Variants in MINDY3 observed in about 807,000 individuals in gnomAD.
MINDY3 encodes the protein ubiquitin carboxyl-terminal hydrolase MINDY-3.
In MINDY3, 38 loss-of-function variants were observed where a neutral mutation model predicts 69.2. The observed-to-expected ratio is 0.55, with a 90% CI of 0.42 to 0.72. MINDY3 has a LOEUF of 0.72. Among genes scored for constraint, MINDY3 ranks in the 30% least tolerant of loss-of-function variants. The probability of loss-of-function intolerance (pLI) is 0.00; values close to 1 mark genes in which losing one functional copy is unlikely to be tolerated. For synonymous variants in MINDY3, 192 were observed against 180.1 expected, an observed-to-expected ratio of 1.07 and a Z score of -0.53; for missense variants, 522 against 519.0, an observed-to-expected ratio of 1.01 and a Z score of -0.06.
intron 11 of MINDY3, among the ~76,000 whole-genome samples, chr10:15,793,600 G>A (rs2131869873): frequency 6.6e-6 from 1 of 152,184 alleles, no homozygotes; most frequent in Middle Eastern, 3.4e-3. Context: ...TATGACTTTA[G>A]CCTTTCAAGA....
intron 10 of MINDY3, among the ~76,000 whole-genome samples, chr10:15,799,720 A>G (rs545066855): frequency 1.3e-5 from 2 of 152,142 alleles, no homozygotes; most frequent in Non-Finnish European, 2.9e-5. Flanking sequence ...GAACTGTGAC[A>G]GAAAAGGAGG....
At chr10:15,785,866 C>T (rs1219769530) in intron 13 of MINDY3, among the ~76,000 whole-genome samples, 1 of 152,112 alleles carries the variant, frequency 6.6e-6, no homozygotes, top group African/African-American at 2.4e-5. Flanking sequence ...ATTGGAATGT[C>T]TATTGCAACA....
chr10:15,781,891 T>C (rs988759405), intron 14 of MINDY3, among the ~76,000 whole-genome samples: 2 of 152,196 alleles, frequency 1.3e-5, no homozygotes, highest in African/African-American at 4.8e-5. Context: ...AGAAACACGC[T>C]ACACTGCCAA....
At chr10:15,850,121 G>A (rs1247614326) in intron 1 of MINDY3, among the ~76,000 whole-genome samples, 1 of 152,142 alleles carries the variant, frequency 6.6e-6, no homozygotes, top group Non-Finnish European at 1.5e-5. Context: ...AAACTGTGAA[G>A]ATTTCATGGA....
intron 6 of MINDY3, 56 bp downstream of exon 6, chr10:15,837,148 A>G: frequency 2.1e-6 from 2 of 947,956 alleles, no homozygotes; most frequent in Non-Finnish European, 3.2e-6. Context: ...CACTGCAGGA[A>G]AAACAGCACT....
intron 12 of MINDY3, among the ~76,000 whole-genome samples, chr10:15,788,566 A>T (rs1837157957): frequency 6.6e-6 from 1 of 152,106 alleles, no homozygotes; most frequent in Non-Finnish European, 1.5e-5. Flanking sequence ...TGAAAAAAGG[A>T]GTAAAGGTCC....
At position 15,796,126 on chromosome 10, in the gene MINDY3, C is replaced by A. The variant is rs775916637; in HGVS notation, c.929G>T (p.Arg310Ile). 2 of 1,612,776 alleles carry A rather than the reference C, an allele frequency of 1.2e-6. No homozygotes were observed. Among genetic ancestry groups the A allele is most frequent in the South Asian group, 2.2e-5 (2 of 90,980 alleles). ...APEAPSEQARRVFQTYDPEDN... is the reference protein window; with the variant it reads ...APEAPSEQARIVFQTYDPEDN... ...TTCTGGGTCGTAGGTTTGAAAAACT[C>A]TTCTGGCTTGTTCTGAAGGAGCTTC... The change falls in exon 11 of 15, where the codon AGA (arginine) becomes ATA (isoleucine). Residue 310 changes from arginine (R) to isoleucine (I), a missense_variant. Physicochemically the swap from Arg to Ile is moderately conservative, Grantham distance 97 (BLOSUM62 -3). Coordinates refer to ENST00000277632, the MANE Select transcript of MINDY3 (RefSeq NM_024948.4).
chr10:15,859,865 G>T (rs915066322), intron 1 of MINDY3, among the ~76,000 whole-genome samples: 1 of 152,218 alleles, frequency 6.6e-6, no homozygotes, highest in Non-Finnish European at 1.5e-5. Context: ...GAAGGCCACA[G>T]CACCCCTTGA....
At chr10:15,781,422 A>G (rs1564446792) in intron 14 of MINDY3, among the ~76,000 whole-genome samples, 1 of 149,100 alleles carries the variant, frequency 6.7e-6, no homozygotes, top group Non-Finnish European at 1.5e-5. Context: ...TATATATACT[A>G]TAACTAGTAT....
chr10:15,857,056 A>G (rs1834740422), intron 1 of MINDY3, among the ~76,000 whole-genome samples: 1 of 152,194 alleles, frequency 6.6e-6, no homozygotes, highest in African/African-American at 2.4e-5. Context: ...TATTTCATGT[A>G]TAAGATGAGT....
chr10:15,841,651 A>G, intron 3 of MINDY3, 52 bp from the exon 4 acceptor site: 2 of 1,257,222 alleles, frequency 1.6e-6, no homozygotes, highest in East Asian at 4.9e-5. Context: ...AAAAAAAAAA[A>G]TTCTGTCATG....
chr10:15,823,788 T>C (rs1360351202), intron 8 of MINDY3, among the ~76,000 whole-genome samples: 1 of 152,038 alleles, frequency 6.6e-6, no homozygotes, highest in Admixed American at 6.6e-5. Flanking sequence ...CCCTCATGCT[T>C]CTCCCACCGC....
intron 1 of MINDY3, among the ~76,000 whole-genome samples, chr10:15,855,703 C>T (rs948665013): frequency 6.6e-5 from 10 of 152,110 alleles, no homozygotes; most frequent in Non-Finnish European, 1.5e-4. Flanking sequence ...ATACCTTCTA[C>T]AATTCTAGCC....
chr10:15,788,226 A>G (rs1324355464), intron 12 of MINDY3, among the ~76,000 whole-genome samples: 1 of 152,170 alleles, frequency 6.6e-6, no homozygotes, highest in Non-Finnish European at 1.5e-5. Flanking sequence ...AATTACTATC[A>G]TACCATTTGT....
intron 10 of MINDY3, among the ~76,000 whole-genome samples, chr10:15,803,063 C>A (rs2131916038): frequency 6.6e-6 from 1 of 152,242 alleles, no homozygotes; most frequent in South Asian, 2.1e-4. Flanking sequence ...TACTGGCTTG[C>A]TTATTTTGAC....
At chr10:15,839,735 CATTT>C (rs1406655098) in intron 4 of MINDY3, among the ~76,000 whole-genome samples, 2 of 151,548 alleles carry the variant, frequency 1.3e-5, no homozygotes, top group African/African-American at 4.8e-5. Context: ...AAATACAGTT[CATTT>C]GTCACTAAGG....
intron 10 of MINDY3, among the ~76,000 whole-genome samples, chr10:15,799,319 C>T (rs1303664592): frequency 6.6e-6 from 1 of 152,136 alleles, no homozygotes; most frequent in Non-Finnish European, 1.5e-5. Flanking sequence ...CTGCCCCAGC[C>T]TCCCTAGTAG....
intron 8 of MINDY3, among the ~76,000 whole-genome samples, chr10:15,833,029 G>C (rs1832838533): frequency 6.6e-6 from 1 of 152,154 alleles, no homozygotes; most frequent in African/African-American, 2.4e-5. Context: ...CAGTAATAAA[G>C]TGAAGGGAAT....
intron 10 of MINDY3, among the ~76,000 whole-genome samples, chr10:15,812,630 C>G (rs1839084472): frequency 6.6e-6 from 1 of 152,184 alleles, no homozygotes; most frequent in Non-Finnish European, 1.5e-5. Context: ...TCTCCCATCA[C>G]TGCTCTTTGG....
Sources: allele counts gnomAD v4.1 joint callset (sites outside exome capture counted in the v4.1 genomes callset), GRCh38; gene constraint gnomAD v4.1.1; transcripts MANE v1.5; gene names NCBI Gene and HGNC (gene_info 2026-07-23, HGNC 2026-07-21).